Variants in ACSL1 observed in about 807,000 individuals in gnomAD.
ACSL1 encodes long-chain-fatty-acid--CoA ligase 1.
In ACSL1, 41 loss-of-function variants were observed where a neutral mutation model predicts 98.4. That is an observed-to-expected ratio of 0.42 (90% CI 0.32 to 0.54). The LOEUF is 0.54. Among genes scored for constraint, ACSL1 ranks in the 20% least tolerant of loss-of-function variants. The probability of loss-of-function intolerance (pLI) is 0.13; values close to 1 mark genes in which losing one functional copy is unlikely to be tolerated. For synonymous variants in ACSL1, 316 were observed against 322.7 expected (o/e 0.98, Z 0.22); for missense variants, 734 against 883.1 (o/e 0.83, Z 2.14).
chr4:184,775,092 C>A (rs1259820937), intron 7 of ACSL1, among the ~76,000 whole-genome samples: 1 of 152,124 alleles, frequency 6.6e-6, no homozygotes, highest in Admixed American at 6.5e-5. Flanking sequence ...TGCACTGTTG[C>A]CGCAAAAGTT....
chr4:184,789,031 G>A (rs956681375), intron 2 of ACSL1, among the ~76,000 whole-genome samples: 10 of 152,108 alleles, frequency 6.6e-5, no homozygotes, highest in Non-Finnish European at 1.5e-4. Flanking sequence ...AAAATAAAAT[G>A]CTTAAAAATT....
At chr4:184,788,972 C>A (rs953069629) in intron 2 of ACSL1, among the ~76,000 whole-genome samples, 1 of 152,086 alleles carries the variant, frequency 6.6e-6, no homozygotes, top group African/African-American at 2.4e-5. Flanking sequence ...GTCCTGAACT[C>A]GTTCCTATTA....
intron 1 of ACSL1, chr4:184,808,402 T>G: frequency 3.0e-6 from 3 of 985,462 alleles, no homozygotes; most frequent in Non-Finnish European, 3.6e-6. Context: ...AATGGCAGTT[T>G]GATGGAATAC....
In ACSL1 at chr4:184,810,850, C is replaced by T. The variant is rs992339191; in HGVS notation, c.-32-7304G>A. Among the ~76,000 whole-genome samples, 6 of 152,294 alleles carry T rather than the reference C, an allele frequency of 3.9e-5. No homozygotes were observed. In the South Asian group the frequency reaches 6.2e-4, roughly 16 times the overall value. ...TCAGGTGCTGTGCTACGGGACTGCGCACAGGGCTAAATGCGTCCTCGTCAC... is the reference window on the plus strand; with the variant it reads ...TCAGGTGCTGTGCTACGGGACTGCGTACAGGGCTAAATGCGTCCTCGTCAC... On this transcript the variant is annotated intron_variant, in intron 1 of 20. Transcript: ENST00000281455.
intron 3 of ACSL1, among the ~76,000 whole-genome samples, chr4:184,785,600 C>CGGGGGGG: frequency 5.2e-5 from 1 of 19,186 alleles, no homozygotes; most frequent in African/African-American, 8.0e-5. Flanking sequence ...TCCTCCTGGG[C>CGGGGGGG]GGGGGCGGGG....
Position 184,786,418 on chromosome 4 carries a change from G to GCACGCA in ACSL1, c.310+2198_310+2199insTGCGTG, listed in dbSNP as rs1391886944. ...ATATGTGCTCTGTGGTGGTGGCAAA[G>GCACGCA]CACACACACACACACACACACACAC... On this transcript the variant is annotated intron_variant, in intron 3 of 20. Transcript: ENST00000281455. Among the ~76,000 whole-genome samples, 486 of 138,946 alleles carry GCACGCA rather than the reference G, an allele frequency of 3.5e-3. 4 individuals carry two copies. The highest frequency in any genetic ancestry group is 5.8e-3 in the Non-Finnish European group (353 of 61,296). 91.2% of individuals were successfully genotyped at this position (138,946 alleles called of 152,430 possible). A position where few individuals can be genotyped will look rare whatever the true frequency, so the allele number is the denominator to read the frequency against.
chr4:184,772,763 A>C (rs1764697771), intron 10 of ACSL1, among the ~76,000 whole-genome samples: 1 of 152,248 alleles, frequency 6.6e-6, no homozygotes, highest in Non-Finnish European at 1.5e-5. Flanking sequence ...ATAAAAACAC[A>C]AGAGAGTCCA....
intron 15 of ACSL1, 77 bp downstream of exon 15, chr4:184,764,776 G>A: frequency 7.6e-7 from 1 of 1,319,350 alleles, no homozygotes; most frequent in Non-Finnish European, 1.0e-6. Context: ...ACCAGTCAGT[G>A]ATTAACCCAA....
In ACSL1 at chr4:184,803,052, A is replaced by G. The variant is rs1235338564; in HGVS notation, c.195+268T>C. On this transcript the variant is annotated intron_variant, in intron 2 of 20. Transcript: ENST00000281455. This position sits in a 1 kb window ranked among gnomAD's most constrained non-coding sequence, Gnocchi z 4.8. ...ATCCTCCAGGCTGACCACAGTGCCT[A>G]CCACAGCGTAGAAACTCAATGTCAT... 6.6e-6 allele frequency among the ~76,000 whole-genome samples: 1 copy of G among 152,160 alleles called. No homozygotes were observed. The highest frequency in any genetic ancestry group is 1.5e-5 in the Non-Finnish European group (1 of 68,038).
chr4:184,777,538 CAGAG>C (rs1176996134), intron 5 of ACSL1, among the ~76,000 whole-genome samples: 2 of 140,168 alleles, frequency 1.4e-5, no homozygotes, highest in Admixed American at 7.3e-5. Flanking sequence ...GATGAGAGGA[CAGAG>C]AGAGAAAGAG....
At chr4:184,790,131 A>G (rs556669439) in intron 2 of ACSL1, among the ~76,000 whole-genome samples, 18 of 152,278 alleles carry the variant, frequency 1.2e-4, no homozygotes, top group Middle Eastern at 3.4e-3. Context: ...GAGGAAGTGG[A>G]TGGGTGCCAG....
intron 15 of ACSL1, among the ~76,000 whole-genome samples, chr4:184,764,256 C>T (rs2150282034): frequency 6.6e-6 from 1 of 152,288 alleles, no homozygotes; most frequent in East Asian, 1.9e-4. Context: ...CTATAATTTC[C>T]TCTGAGAAGT....
At chr4:184,806,695 A>G (rs1390114464) in intron 1 of ACSL1, among the ~76,000 whole-genome samples, 1 of 152,202 alleles carries the variant, frequency 6.6e-6, no homozygotes, top group Non-Finnish European at 1.5e-5. Context: ...TAAAAAAAAA[A>G]CTTCAGAAAA....
intron 1 of ACSL1, chr4:184,814,049 G>C (rs1227420592): frequency 5.5e-6 from 2 of 361,096 alleles, no homozygotes; most frequent in African/African-American, 2.1e-5. Flanking sequence ...CCAGCACTTA[G>C]AGAGGCCGAG....
intron 2 of ACSL1, among the ~76,000 whole-genome samples, chr4:184,801,154 T>C (rs1213437866): frequency 6.6e-6 from 1 of 152,136 alleles, no homozygotes; most frequent in Non-Finnish European, 1.5e-5. Flanking sequence ...TGCACCCAGC[T>C]CTACAATCCT....
At chr4:184,818,652 G>A (rs1480192819) in intron 1 of ACSL1, among the ~76,000 whole-genome samples, 1 of 152,140 alleles carries the variant, frequency 6.6e-6, no homozygotes, top group Non-Finnish European at 1.5e-5. Flanking sequence ...TGTATTAAAC[G>A]CTGCTGAAAA....
intron 4 of ACSL1, among the ~76,000 whole-genome samples, chr4:184,781,959 C>T (rs1426879994): frequency 6.6e-6 from 1 of 152,206 alleles, no homozygotes; most frequent in Non-Finnish European, 1.5e-5. Flanking sequence ...CAAGAGTACT[C>T]TTAAAGCACA....
rs141068555 is a variant in ACSL1 at position 184,776,530 on chromosome 4, C to T, written c.710G>A (p.Arg237Gln). The T allele has an allele frequency of 1.2e-3, 1,936 of 1,613,990 alleles. 1 individual carries two copies. Among genetic ancestry groups the T allele is most frequent in the Non-Finnish European group, 1.6e-3 (1,845 of 1,179,980 alleles). ...GACTTCCACCCCACACCTCTGGCCT[C>T]GTTCCACCAGTTCACTGCCGTAGGC... ...MDAYGSELVERGQRCGVEVTS... is the reference protein window; with the variant it reads ...MDAYGSELVEQGQRCGVEVTS... Residue 237 changes from arginine to glutamine, a missense_variant, in exon 7 of 21, where the codon CGA becomes CAA. Transcript: ENST00000281455.
chr4:184,784,190 T>C (rs1033387631), intron 3 of ACSL1, among the ~76,000 whole-genome samples, 199 bp from the exon 4 acceptor site: 2 of 152,166 alleles, frequency 1.3e-5, no homozygotes, highest in African/African-American at 4.8e-5. Context: ...TTTATTTCTG[T>C]TTTGTTTAAG....
Sources: gnomAD v4.1 joint callset for allele counts (sites outside exome capture counted in the v4.1 genomes callset) on GRCh38, gnomAD v4.1.1 for gene constraint, Gnocchi (gnomAD v3.1) non-coding constraint, MANE v1.5 for transcripts, NCBI Gene and HGNC (gene_info 2026-07-23, HGNC 2026-07-21) for gene names.